The following ZIM2 variants were observed in gnomAD, a reference collection of about 807,000 sequenced individuals.
ZIM2 encodes the protein zinc finger imprinted 2, also known as zinc finger protein 656.
ZIM2 carries 14 observed loss-of-function variants against 38.6 expected under a neutral mutation model. The observed-to-expected ratio is 0.36, with a 90% CI of 0.24 to 0.57. The LOEUF (loss-of-function observed/expected upper bound fraction) is 0.57. Among genes scored for constraint, ZIM2 ranks in the 20% least tolerant of loss-of-function variants. The pLI, the probability that ZIM2 is intolerant of heterozygous loss-of-function variation, is 0.81. For synonymous variants in ZIM2, 247 were observed against 245.8 expected (o/e 1.00, Z -0.04); for missense variants, 680 against 695.1 (o/e 0.98, Z 0.24).
At chr19:56,809,597 G>C (rs2047961398) in intron 9 of ZIM2, among the ~76,000 whole-genome samples, 1 of 152,174 alleles carries the variant, frequency 6.6e-6, no homozygotes, top group Non-Finnish European at 1.5e-5. Context: ...GGGGAAGTCA[G>C]GTTAAAGTAT....
chr19:56,777,036 G>T (rs140380938), intron 12 of ZIM2, among the ~76,000 whole-genome samples: 1 of 152,128 alleles, frequency 6.6e-6, no homozygotes, highest in Non-Finnish European at 1.5e-5. Flanking sequence ...CTGATAAAAA[G>T]TCTGTGCTTT....
intron 9 of ZIM2, among the ~76,000 whole-genome samples, chr19:56,796,174 C>T (rs903665937): frequency 4.6e-5 from 7 of 152,132 alleles, no homozygotes; most frequent in African/African-American, 1.2e-4. Flanking sequence ...TAGGACCCCC[C>T]AGGGTATCAA....
chr19:56,785,618 C>G (rs999334955), intron 10 of ZIM2, among the ~76,000 whole-genome samples: 2 of 152,164 alleles, frequency 1.3e-5, no homozygotes, highest in Non-Finnish European at 2.9e-5. Flanking sequence ...TAAGCCACAC[C>G]CTTTGTGTGG....
chr19:56,816,651 T>C, intron 9 of ZIM2: 1 of 1,613,408 alleles, frequency 6.2e-7, no homozygotes, highest in Non-Finnish European at 8.5e-7. Context: ...CACGTTCACG[T>C]TCATGTTCAC....
intron 10 of ZIM2, among the ~76,000 whole-genome samples, chr19:56,783,348 A>G (rs1215879059): frequency 2.0e-5 from 3 of 152,196 alleles, no homozygotes; most frequent in Non-Finnish European, 4.4e-5. Flanking sequence ...AAAAAGACAC[A>G]TGCACTCATA....
At chr19:56,835,847 AT>A (rs2062041188) in intron 2 of ZIM2, among the ~76,000 whole-genome samples, 170 bp downstream of exon 2, 1 of 152,212 alleles carries the variant, frequency 6.6e-6, no homozygotes, top group Non-Finnish European at 1.5e-5. Context: ...GCCAAGGAGA[AT>A]TTTTAGAGAA....
chr19:56,808,521 G>A (rs1458046551), intron 9 of ZIM2, among the ~76,000 whole-genome samples: 1 of 152,094 alleles, frequency 6.6e-6, no homozygotes, highest in Non-Finnish European at 1.5e-5. Flanking sequence ...AAAAGGGCTT[G>A]GTATGATCAA....
intron 1 of ZIM2, among the ~76,000 whole-genome samples, chr19:56,840,055 C>T (rs552175853): frequency 1.3e-5 from 2 of 152,352 alleles, no homozygotes; most frequent in South Asian, 2.1e-4. Context: ...TAGCCGGGCA[C>T]GCCGGCGCCG....
At chr19:56,797,301 CAAAT>C (rs918114429) in intron 9 of ZIM2, among the ~76,000 whole-genome samples, 5 of 150,742 alleles carry the variant, frequency 3.3e-5, no homozygotes, top group Non-Finnish European at 7.4e-5. Context: ...GACTATGTCT[CAAAT>C]AAATAAATAA....
At chr19:56,838,114 T>C (rs1018065885) in intron 1 of ZIM2, among the ~76,000 whole-genome samples, 2 of 152,006 alleles carry the variant, frequency 1.3e-5, no homozygotes, top group Admixed American at 1.3e-4. Context: ...TGCCACAGAG[T>C]GGGCGGGGCC....
chr19:56,799,265 G>C (rs1391745227), intron 9 of ZIM2: 3 of 152,178 alleles, frequency 2.0e-5, no homozygotes, highest in Admixed American at 2.0e-4. Flanking sequence ...ATACCATGCA[G>C]CCATAAAAAG....
chr19:56,804,233 T>G (rs1386830994), intron 9 of ZIM2, among the ~76,000 whole-genome samples: 1 of 152,110 alleles, frequency 6.6e-6, no homozygotes, highest in Admixed American at 6.6e-5. Context: ...CTGGGAAACT[T>G]TAAATACCTC....
At chr19:56,821,899 C>G in intron 6 of ZIM2, 145 bp from the exon 7 acceptor site, 1 of 839,634 alleles carries the variant, frequency 1.2e-6, no homozygotes, top group Non-Finnish European at 1.9e-6. Context: ...GTGGCAGCCT[C>G]TGAGGAGTCC....
intron 2 of ZIM2, among the ~76,000 whole-genome samples, chr19:56,829,588 G>A (rs114365911): frequency 0.027 from 4,070 of 152,282 alleles, 153 homozygotes; most frequent in African/African-American, 0.091. Flanking sequence ...GGCAGGAAGA[G>A]GAAGTGCTGG....
rs114643419 is a variant in ZIM2, at chr19:56,835,585, T to C, written c.-227+433A>G. The stretch of plus-strand genomic sequence containing the variant: ...GCTAGCAGATGTTCTCTTGCAAAAG[T>C]ATAAATCAAACAATTATGTTTTCCA... On this transcript the variant is annotated intron_variant, in intron 2 of 12. Transcript: ENST00000629319. 4.0e-3 allele frequency among the ~76,000 whole-genome samples: 615 copies of C among 152,312 alleles called. 2 individuals carry two copies. The highest frequency in any genetic ancestry group is 0.014 in the African/African-American group (582 of 41,582).
chr19:56,796,794 A>G (rs1282877035), intron 9 of ZIM2, among the ~76,000 whole-genome samples: 2 of 152,250 alleles, frequency 1.3e-5, no homozygotes, highest in Non-Finnish European at 2.9e-5. Flanking sequence ...TCACACAGGA[A>G]GGAATTCAAG....
intron 12 of ZIM2, among the ~76,000 whole-genome samples, chr19:56,777,166 G>A (rs2046065282): frequency 6.6e-6 from 1 of 152,156 alleles, no homozygotes; most frequent in Non-Finnish European, 1.5e-5. Flanking sequence ...TGAAGTATGT[G>A]AACAGAGTAC....
At chr19:56,835,429 C>A (rs2061993321) in intron 2 of ZIM2, among the ~76,000 whole-genome samples, 1 of 152,136 alleles carries the variant, frequency 6.6e-6, no homozygotes, top group African/African-American at 2.4e-5. Flanking sequence ...TCAACAACAA[C>A]CCTATCCCCT....
intron 12 of ZIM2, among the ~76,000 whole-genome samples, chr19:56,776,000 A>G (rs542868179): frequency 1.3e-5 from 2 of 149,744 alleles, no homozygotes; most frequent in East Asian, 4.0e-4. Context: ...ACTCAGGAGG[A>G]TGAGGCAGGA....
Sources: gnomAD v4.1 joint callset for allele counts (sites outside exome capture counted in the v4.1 genomes callset) on GRCh38, gnomAD v4.1.1 for gene constraint, MANE v1.5 for transcripts, NCBI Gene and HGNC (gene_info 2026-07-23, HGNC 2026-07-21) for gene names.